Variants in RBFOX1 observed in about 807,000 individuals in gnomAD.
The protein encoded by RBFOX1 is RNA binding protein fox-1 homolog 1.
Under a neutral mutation model 57.7 loss-of-function variants are expected in RBFOX1, and 8 were observed. The observed-to-expected ratio is 0.14, with a 90% confidence interval of 0.08 to 0.25. RBFOX1 has a LOEUF of 0.25. Ranked by LOEUF, RBFOX1 falls within the 10% of genes least tolerant of loss-of-function variation. RBFOX1 has a pLI of 1.00. For missense variants in RBFOX1, 611 were observed against 548.5 expected, an observed-to-expected ratio of 1.11 and a Z score of -1.14; for synonymous variants, 326 against 222.4, an observed-to-expected ratio of 1.47 and a Z score of -4.15.
chr16:5,815,803 A>G (rs569420762), intron 3 of RBFOX1, among the ~76,000 whole-genome samples: 35 of 152,352 alleles, frequency 2.3e-4, no homozygotes, highest in African/African-American at 7.7e-4. Flanking sequence ...AGTGGAGCCC[A>G]GAGAAATTGA....
intron 10 of RBFOX1, among the ~76,000 whole-genome samples, chr16:7,617,503 A>C (rs1222274351): frequency 6.6e-6 from 1 of 152,068 alleles, no homozygotes; most frequent in East Asian, 1.9e-4. Context: ...TAAGCCCTTG[A>C]GAGTTTTTCT....
intron 3 of RBFOX1, among the ~76,000 whole-genome samples, chr16:5,738,283 C>T (rs866094754): frequency 4.4e-5 from 6 of 137,896 alleles, no homozygotes; most frequent in South Asian, 2.5e-4. Flanking sequence ...AAGTATTTAA[C>T]GTCTCTATGT....
chr16:5,570,474 T>C (rs1053247542), intron 2 of RBFOX1, among the ~76,000 whole-genome samples: 1 of 152,176 alleles, frequency 6.6e-6, no homozygotes, highest in African/African-American at 2.4e-5. Context: ...TTGTAGCCAT[T>C]TGAGCATTCT....
At chr16:6,349,327 G>C (rs1363368850) in intron 2 of RBFOX1, among the ~76,000 whole-genome samples, 1 of 152,096 alleles carries the variant, frequency 6.6e-6, no homozygotes, top group Non-Finnish European at 1.5e-5. Context: ...CCTCTTAGAA[G>C]TTTTGTCAGA....
intron 2 of RBFOX1, among the ~76,000 whole-genome samples, chr16:6,489,625 C>T (rs899176917): frequency 5.3e-5 from 8 of 152,118 alleles, no homozygotes; most frequent in Non-Finnish European, 1.2e-4. Context: ...CATCTTCACC[C>T]GAGTTTTGAA....
intron 2 of RBFOX1, among the ~76,000 whole-genome samples, chr16:5,520,418 CCT>C (rs1336686065): frequency 2.0e-5 from 3 of 152,192 alleles, no homozygotes; most frequent in African/African-American, 7.2e-5. Context: ...TAACTCACCC[CCT>C]GTCTTCTCAG....
chr16:6,685,388 G>C (rs2154126702), intron 3 of RBFOX1, among the ~76,000 whole-genome samples: 1 of 142,582 alleles, frequency 7.0e-6, no homozygotes, highest in South Asian at 2.2e-4. Context: ...CAATTCTCTT[G>C]CCTCAGCCAC....
chr16:6,996,392 T>C (rs1049094740), intron 3 of RBFOX1, among the ~76,000 whole-genome samples: 3 of 152,170 alleles, frequency 2.0e-5, no homozygotes, highest in Non-Finnish European at 4.4e-5. Flanking sequence ...TAAACATGTA[T>C]GTGTGTGCAT....
intron 3 of RBFOX1, among the ~76,000 whole-genome samples, chr16:5,813,927 A>T (rs757417368): frequency 2.0e-5 from 3 of 152,252 alleles, no homozygotes; most frequent in Non-Finnish European, 4.4e-5. Flanking sequence ...GGATTGGCTT[A>T]TCGTAGGTGT....
intron 1 of RBFOX1, among the ~76,000 whole-genome samples, chr16:6,087,795 G>A (rs2096110551): frequency 1.3e-5 from 2 of 152,058 alleles, no homozygotes; most frequent in African/African-American, 4.8e-5. Flanking sequence ...TGGGGCTATA[G>A]GCGAGCACCA....
At chr16:6,441,898 C>T (rs1001147632) in intron 2 of RBFOX1, among the ~76,000 whole-genome samples, 20 of 152,130 alleles carry the variant, frequency 1.3e-4, no homozygotes, top group Non-Finnish European at 2.5e-4. Flanking sequence ...ACTCAGGCAG[C>T]AGTGGTCAGC....
chr16:6,875,355 T>C (rs1421209022), intron 3 of RBFOX1, among the ~76,000 whole-genome samples: 1 of 152,178 alleles, frequency 6.6e-6, no homozygotes, highest in Non-Finnish European at 1.5e-5. Context: ...ATACACAGCT[T>C]TGACCTCTCC....
intron 15 of RBFOX1, chr16:7,710,131 C>G: frequency 3.9e-6 from 4 of 1,020,910 alleles, no homozygotes; most frequent in Non-Finnish European, 4.7e-6. Context: ...CTGTACAACT[C>G]CACAACTCCC....
chr16:6,607,436 C>CTG (rs397747168), intron 2 of RBFOX1, among the ~76,000 whole-genome samples: 1 of 143,026 alleles, frequency 7.0e-6, no homozygotes, highest in African/African-American at 2.8e-5. Flanking sequence ...CTCTCTCTCT[C>CTG]GCTCTCTATC....
chr16:6,665,150 C>T lies in RBFOX1; in HGVS notation c.-16+10500C>T, dbSNP rs374438305. The stretch of plus-strand genomic sequence containing the variant: ...GGACGGCAACCACCAGCTGTATTAA[C>T]TCCCACCTGTGGAGAAAAGGCGCTT... On this transcript the variant is annotated intron_variant, in intron 3 of 15. Coordinates refer to ENST00000550418, the MANE Select transcript of RBFOX1 (RefSeq NM_018723.4). Among the ~76,000 whole-genome samples, 16 of 152,350 alleles carry T rather than the reference C, an allele frequency of 1.1e-4. No homozygotes were observed. The East Asian group carries it at 1.7e-3, about 17-fold the overall frequency.
chr16:7,458,313 C>G (rs1190158425), intron 4 of RBFOX1, among the ~76,000 whole-genome samples: 1 of 152,122 alleles, frequency 6.6e-6, no homozygotes, highest in Non-Finnish European at 1.5e-5. Context: ...CTGCCTTCCC[C>G]TAAGTCTGCC....
rs952254821 is a variant in RBFOX1 at position 7,710,856 on chromosome 16, AAAT to A, written c.*113_*115del. The A allele has an allele frequency of 1.1e-5, 12 of 1,046,238 alleles. No homozygotes were observed. In the African/African-American group the frequency reaches 1.6e-4, roughly 14 times the overall value. The allele number at this position is 1,046,238 out of a possible 1,614,324, so 64.8% of individuals were successfully genotyped here. A position where few individuals can be genotyped will look rare whatever the true frequency, so the allele number is the denominator to read the frequency against. On this transcript the variant is annotated 3_prime_UTR_variant, in exon 16 of 16. Transcript: ENST00000550418. ...ATTTTAGCAACTCTAAAAAAAAAAA[AAAT>A]ACAAATAAAAAGGAAAAAAAATTAC... is the stretch of plus-strand genomic sequence containing the variant.
intron 4 of RBFOX1, among the ~76,000 whole-genome samples, chr16:7,277,455 TAATC>T (rs1213965794): frequency 3.9e-5 from 6 of 152,328 alleles, no homozygotes; most frequent in Non-Finnish European, 5.9e-5. Flanking sequence ...GCTATTCTAA[TAATC>T]AAAGCGAATA....
intron 1 of RBFOX1, among the ~76,000 whole-genome samples, chr16:6,291,089 C>T (rs1196649347): frequency 6.6e-6 from 1 of 152,164 alleles, no homozygotes; most frequent in African/African-American, 2.4e-5. Flanking sequence ...ACTGTCATGG[C>T]ACTGCTGGGA....
Sources: gnomAD v4.1 joint callset for allele counts (sites outside exome capture counted in the v4.1 genomes callset) on GRCh38, gnomAD v4.1.1 for gene constraint, MANE v1.5 for transcripts, NCBI Gene and HGNC (gene_info 2026-07-23, HGNC 2026-07-21) for gene names.